Variants in CARF observed in about 807,000 individuals in gnomAD.
CARF encodes the protein calcium responsive transcription factor, also known as calcium-responsive transcription factor.
In CARF, 57 loss-of-function variants were observed where a neutral mutation model predicts 82.0. The observed-to-expected ratio is 0.70, with a 90% CI of 0.56 to 0.87. The LOEUF is 0.87. Ranked by LOEUF, CARF falls within the 40% of genes least tolerant of loss-of-function variation. The probability of loss-of-function intolerance (pLI) is 0.00; values close to 1 mark genes in which losing one functional copy is unlikely to be tolerated. For synonymous variants in CARF, 268 were observed against 290.1 expected (o/e 0.92, Z 0.77); for missense variants, 771 against 855.8 (o/e 0.90, Z 1.24).
In CARF at chr2:202,971,503, A is replaced by G. The variant is rs1397430526; in HGVS notation, c.1098-2A>G. On this transcript the variant is annotated splice_acceptor_variant, in intron 11 of 16. Coordinates refer to ENST00000438828, the MANE Select transcript of CARF (RefSeq NM_024744.17). LOFTEE classifies it high-confidence loss of function. ...GTAATTTTAAATATTTTCTCTTACC[A>G]GGTGGTATGTACAGTTACCTACACA... 2 of 1,544,308 alleles carry G rather than the reference A, an allele frequency of 1.3e-6. No homozygotes were observed. Among genetic ancestry groups the G allele is most frequent in the African/African-American group, 2.7e-5 (2 of 73,512 alleles).
chr2:202,943,417 T>C lies in CARF; in HGVS notation c.306+450T>C, dbSNP rs146680622. 2.0e-4 allele frequency among the ~76,000 whole-genome samples: 31 copies of C among 152,186 alleles called. No individual in the cohort carries two copies. In the East Asian group the frequency reaches 6.0e-3, roughly 29 times the overall value. On this transcript the variant is annotated intron_variant, in intron 5 of 16. Transcript: ENST00000438828. Reference sequence around the variant, plus strand: ...TGTTTCCATGACTTTCATTTTTATGTAAGGATTTTAAAAGATTTGCATTCA... The same window carrying C: ...TGTTTCCATGACTTTCATTTTTATGCAAGGATTTTAAAAGATTTGCATTCA...
rs1020108898 is a variant in CARF at position 202,971,835 on chromosome 2, T to C, written c.1331+97T>C. On this transcript the variant is annotated intron_variant, in intron 12 of 16. Transcript: ENST00000438828. ...TGGAGATATTTTCCAAAATATATGCTATCAGGGTAGATAAGGAATATAGTT... is the reference window on the plus strand; with the variant it reads ...TGGAGATATTTTCCAAAATATATGCCATCAGGGTAGATAAGGAATATAGTT... 5.5e-6 allele frequency: 4 copies of C among 726,694 alleles called. No homozygotes were observed. In the African/African-American group the frequency reaches 7.1e-5, roughly 13 times the overall value. 45.0% of individuals were successfully genotyped at this position (726,694 alleles called of 1,614,324 possible). A position where few individuals can be genotyped will look rare whatever the true frequency, so the allele number is the denominator to read the frequency against.
rs1206076107 is a variant in CARF at position 202,912,716 on chromosome 2, A to C, written c.-716A>C. On this transcript the variant is annotated 5_prime_UTR_variant, in exon 1 of 17. Transcript: ENST00000438828. ...TTAGGTGTCTTCAGGAGGGTTGCTG[A>C]GCCCAAGGACGCGCCATCGCCGCGG... The C allele has an allele frequency of 6.6e-6, 1 of 151,018 alleles. No individual in the cohort carries two copies. The highest frequency in any genetic ancestry group is 1.5e-5 in the Non-Finnish European group (1 of 67,686). The allele number at this position is 151,018 out of a possible 1,614,324, so 9.4% of individuals were successfully genotyped here.
intron 2 of CARF, among the ~76,000 whole-genome samples, chr2:202,920,681 A>G (rs972731124): frequency 2.6e-5 from 4 of 152,312 alleles, no homozygotes; most frequent in Middle Eastern, 3.4e-3. Flanking sequence ...AAAATGGGAA[A>G]GAAAGAAAAA....
At chr2:202,976,372 C>G (rs1036215324) in intron 13 of CARF, among the ~76,000 whole-genome samples, 1 of 151,986 alleles carries the variant, frequency 6.6e-6, no homozygotes, top group African/African-American at 2.4e-5. Context: ...ACGGGTTTCA[C>G]CATGTTGGCC....
chr2:202,948,609 T>C (rs2058613657), intron 5 of CARF, among the ~76,000 whole-genome samples: 1 of 152,228 alleles, frequency 6.6e-6, no homozygotes, highest in Non-Finnish European at 1.5e-5. Flanking sequence ...TTTCTGGCAA[T>C]TGTGAATAGG....
At chr2:202,960,704 A>ACCTTCCCG (rs140099257) in intron 8 of CARF, among the ~76,000 whole-genome samples, 26 of 147,830 alleles carry the variant, frequency 1.8e-4, no homozygotes, top group East Asian at 8.0e-4. Flanking sequence ...CTGCCTTCCC[A>ACCTTCCCG]CCTTCCCGCC....
intron 3 of CARF, chr2:202,925,659 A>G: frequency 4.6e-6 from 1 of 217,538 alleles, no homozygotes; most frequent in Non-Finnish European, 9.3e-6. Flanking sequence ...GCCATCCCAG[A>G]TGCTGAGTAG....
intron 14 of CARF, among the ~76,000 whole-genome samples, chr2:202,980,258 G>A (rs956620146): frequency 5.9e-5 from 9 of 152,026 alleles, no homozygotes; most frequent in Admixed American, 3.3e-4. Context: ...TCGCCTGGCC[G>A]ATAATTAGTT....
intron 16 of CARF, among the ~76,000 whole-genome samples, chr2:202,983,088 G>A (rs1035712369): frequency 4.6e-5 from 7 of 151,762 alleles, no homozygotes; most frequent in South Asian, 2.1e-4. Flanking sequence ...AGCCTGTTGC[G>A]CAGGCTGGTC....
intron 2 of CARF, among the ~76,000 whole-genome samples, chr2:202,921,732 C>A (rs968272544): frequency 3.9e-5 from 6 of 152,116 alleles, no homozygotes; most frequent in Non-Finnish European, 7.4e-5. Context: ...ATAGTGATTT[C>A]TGTAAAATTA....
chr2:202,953,809 A>G (rs2058886303), intron 6 of CARF, among the ~76,000 whole-genome samples, 196 bp from the exon 7 acceptor site: 1 of 152,182 alleles, frequency 6.6e-6, no homozygotes, highest in Non-Finnish European at 1.5e-5. Context: ...TCTAAAAATT[A>G]TAAAATTACA....
chr2:202,942,126 C>T, intron 4 of CARF, 146 bp downstream of exon 4: 1 of 585,326 alleles, frequency 1.7e-6, no homozygotes, highest in Non-Finnish European at 3.1e-6. Context: ...GTGATCCCAG[C>T]ACTTTGGGAG....
intron 14 of CARF, 77 bp downstream of exon 14, chr2:202,977,409 C>A: frequency 9.0e-7 from 1 of 1,108,050 alleles, no homozygotes; most frequent in Non-Finnish European, 1.4e-6. Context: ...ATTATCTCAT[C>A]TAATCAAATT....
chr2:202,939,800 C>A (rs2105794431), intron 3 of CARF, among the ~76,000 whole-genome samples: 1 of 149,270 alleles, frequency 6.7e-6, no homozygotes, highest in East Asian at 2.0e-4. Flanking sequence ...GAGATCCTCC[C>A]ACCTCAGCCT....
intron 3 of CARF, among the ~76,000 whole-genome samples, chr2:202,937,459 AT>A (rs1040335389): frequency 5.8e-5 from 8 of 138,758 alleles, no homozygotes; most frequent in South Asian, 4.2e-4. Context: ...TTTTTGAAAT[AT>A]TTTTTTTTGC....
chr2:202,955,194 G>T (rs1298607316), intron 7 of CARF, among the ~76,000 whole-genome samples: 1 of 152,056 alleles, frequency 6.6e-6, no homozygotes, highest in Non-Finnish European at 1.5e-5. Flanking sequence ...CATGGCTTAT[G>T]TATTGTTTAT....
intron 5 of CARF, among the ~76,000 whole-genome samples, chr2:202,947,124 T>C (rs12616799): frequency 0.89 from 135,264 of 152,194 alleles, 60,795 homozygotes; most frequent in Non-Finnish European, 0.95. Flanking sequence ...TCTCATTACT[T>C]TGTGTATACC....
In CARF at chr2:202,969,970, C is replaced by A. The variant is rs1311772511; in HGVS notation, c.1005C>A (p.Asp335Glu). 6.4e-7 allele frequency: 1 copy of A among 1,571,500 alleles called. No homozygotes were observed. The highest frequency in any genetic ancestry group is 8.6e-7 in the Non-Finnish European group (1 of 1,166,960). Residue 335 changes from aspartate (D) to glutamate (E), a missense_variant, in exon 11 of 17, where the codon GAC (aspartate) becomes GAA (glutamate). Transcript: ENST00000438828. ...TTCCTGAATATAGAGTTCCTACAGACCCCAAAATTGACAAGAAAATTATCA... is the reference window on the plus strand; with the variant it reads ...TTCCTGAATATAGAGTTCCTACAGAACCCAAAATTGACAAGAAAATTATCA... ...QKFPEYRVPTDPKIDKKIIRM... is the reference protein window; with the variant it reads ...QKFPEYRVPTEPKIDKKIIRM...
Sources: gnomAD v4.1 joint callset for allele counts (sites outside exome capture counted in the v4.1 genomes callset) on GRCh38, gnomAD v4.1.1 for gene constraint, MANE v1.5 for transcripts, NCBI Gene and HGNC (gene_info 2026-07-23, HGNC 2026-07-21) for gene names.